RAPGEF2: variants seen among roughly 807,000 people sequenced by gnomAD.
RAPGEF2 encodes PDZ domain containing guanine nucleotide exchange factor (GEF) 1.
Under a neutral mutation model 186.7 loss-of-function variants are expected in RAPGEF2, and 54 were observed. That is an observed-to-expected ratio of 0.29 (90% CI 0.23 to 0.36). The LOEUF (loss-of-function observed/expected upper bound fraction) is 0.36, where lower values mean the gene tolerates loss of function less well. Among genes scored for constraint, RAPGEF2 ranks in the 10% least tolerant of loss-of-function variants. The probability of loss-of-function intolerance (pLI) is 1.00; values close to 1 mark genes in which losing one functional copy is unlikely to be tolerated. For missense variants in RAPGEF2, 1,532 were observed against 2,045.0 expected (o/e 0.75, Z 4.84); for synonymous variants, 712 against 705.9 (o/e 1.01, Z -0.14).
intron 1 of RAPGEF2, among the ~76,000 whole-genome samples, chr4:159,163,141 C>T (rs1345038285): frequency 6.6e-6 from 1 of 152,026 alleles, no homozygotes; most frequent in East Asian, 1.9e-4. Context: ...TTATCCTTAC[C>T]AAAAGATGGG....
intron 7 of RAPGEF2, among the ~76,000 whole-genome samples, chr4:159,250,910 G>T (rs1050464197): frequency 2.0e-5 from 3 of 152,168 alleles, no homozygotes; most frequent in Non-Finnish European, 4.4e-5. Flanking sequence ...TCTGCTTGCC[G>T]GGAGGTGTGG....
chr4:159,144,605 C>A (rs1742706230), intron 1 of RAPGEF2, among the ~76,000 whole-genome samples: 1 of 151,000 alleles, frequency 6.6e-6, no homozygotes, highest in Non-Finnish European at 1.5e-5. Flanking sequence ...TCGTTCTCAT[C>A]ACATGTTTAC....
intron 8 of RAPGEF2, among the ~76,000 whole-genome samples, chr4:159,305,035 TAGTATTTC>T (rs1341315194): frequency 2.6e-5 from 4 of 152,348 alleles, no homozygotes; most frequent in African/African-American, 9.6e-5. Flanking sequence ...TATGGCTGAA[TAGTATTTC>T]ATTGCATATA....
At chr4:159,108,308 A>G (rs1367264164) in intron 1 of RAPGEF2, among the ~76,000 whole-genome samples, 1 of 151,864 alleles carries the variant, frequency 6.6e-6, no homozygotes, top group Non-Finnish European at 1.5e-5. Context: ...AATCTCTCCA[A>G]CTGCAGTGCT....
At chr4:159,108,687 T>C (rs1031111164) in intron 1 of RAPGEF2, among the ~76,000 whole-genome samples, 1 of 152,132 alleles carries the variant, frequency 6.6e-6, no homozygotes, top group African/African-American at 2.4e-5. Context: ...TTTGGTGATA[T>C]TTGATGAGAT....
At chr4:159,209,191 C>CAAAAAAAA in intron 3 of RAPGEF2, among the ~76,000 whole-genome samples, 1 of 103,718 alleles carries the variant, frequency 9.6e-6, no homozygotes, top group Non-Finnish European at 2.0e-5. Context: ...CATGCCCAGC[C>CAAAAAAAA]AAAAAAAAAA....
At position 159,356,152 on chromosome 4, in the gene RAPGEF2, G is replaced by C. The variant is rs879023379; in HGVS notation, c.4951G>C (p.Glu1651Gln). Residue 1651 changes from glutamate (E) to glutamine (Q), a missense_variant, in exon 29 of 30, where the codon GAG becomes CAG. This residue lies in a region of RAPGEF2 where 594 missense variants were observed against 608.5 expected (regional missense o/e 0.98). Coordinates refer to ENST00000691494, the MANE Select transcript of RAPGEF2 (RefSeq NM_001394067.2). ...TCAGTCCCAAGGGTTTTCCACCGAG[G>C]AGGATGGTATATGCACATAAATATT... is the stretch of plus-strand genomic sequence containing the variant. ...PYQSQGFSTE[E>Q]DEDEQVSAV The C allele has an allele frequency of 1.2e-6, 2 of 1,613,590 alleles. No individual in the cohort carries two copies. The highest frequency in any genetic ancestry group is 1.7e-6 in the Non-Finnish European group (2 of 1,179,600).
chr4:159,163,719 A>G (rs1413605032), intron 1 of RAPGEF2, among the ~76,000 whole-genome samples: 3 of 152,196 alleles, frequency 2.0e-5, no homozygotes, highest in Admixed American at 1.3e-4. Flanking sequence ...TTACTGACTC[A>G]GCACATTTTA....
At chr4:159,108,413 A>G (rs1466768863) in intron 1 of RAPGEF2, among the ~76,000 whole-genome samples, 2 of 146,060 alleles carry the variant, frequency 1.4e-5, no homozygotes, top group East Asian at 4.0e-4. Flanking sequence ...TTTTAAGGAG[A>G]AGATGACCAC....
chr4:159,258,175 G>C (rs1233407501), intron 7 of RAPGEF2, among the ~76,000 whole-genome samples: 1 of 152,114 alleles, frequency 6.6e-6, no homozygotes, highest in Non-Finnish European at 1.5e-5. Context: ...CAATTTCAAA[G>C]TGTAACTAAA....
intron 8 of RAPGEF2, among the ~76,000 whole-genome samples, chr4:159,309,413 C>G (rs185734052): frequency 2.8e-4 from 43 of 152,186 alleles, no homozygotes; most frequent in African/African-American, 9.4e-4. Context: ...TCTATTTTTT[C>G]CCCTAGAGCC....
intron 1 of RAPGEF2, among the ~76,000 whole-genome samples, chr4:159,147,535 A>G (rs1743077889): frequency 1.3e-5 from 2 of 152,224 alleles, no homozygotes; most frequent in South Asian, 4.1e-4. Context: ...TAGAAAAAAT[A>G]GCAAGATATT....
At chr4:159,196,714 C>T (rs1748688678) in intron 3 of RAPGEF2, among the ~76,000 whole-genome samples, 1 of 152,224 alleles carries the variant, frequency 6.6e-6, no homozygotes, top group Non-Finnish European at 1.5e-5. Flanking sequence ...TCATTCTCAT[C>T]ACTGTTTGAT....
chr4:159,286,030 A>ACC (rs1554026580), intron 7 of RAPGEF2, among the ~76,000 whole-genome samples: 5 of 89,232 alleles, frequency 5.6e-5, no homozygotes, highest in Admixed American at 2.8e-4. Flanking sequence ...TGTTCCCCCC[A>ACC]ACCACCACCA....
intron 20 of RAPGEF2, 92 bp downstream of exon 20, chr4:159,342,039 C>G: frequency 8.0e-7 from 1 of 1,252,096 alleles, no homozygotes; most frequent in Non-Finnish European, 1.1e-6. Context: ...AGTATAAATG[C>G]TATAGGTTTT....
At chr4:159,288,090 T>A (rs1561215689) in intron 7 of RAPGEF2, among the ~76,000 whole-genome samples, 1 of 152,234 alleles carries the variant, frequency 6.6e-6, no homozygotes, top group Non-Finnish European at 1.5e-5. Context: ...AATTATTTTC[T>A]TGAGTTAAAC....
chr4:159,104,866 A>C (rs910495199), intron 1 of RAPGEF2, among the ~76,000 whole-genome samples: 2 of 152,210 alleles, frequency 1.3e-5, no homozygotes, highest in African/African-American at 4.8e-5. Context: ...ACTGCTTTCA[A>C]TTGAAGGGAA....
intron 2 of RAPGEF2, among the ~76,000 whole-genome samples, chr4:159,188,752 C>T (rs777428201): frequency 8.6e-5 from 13 of 151,796 alleles, no homozygotes; most frequent in Non-Finnish European, 1.8e-4. Flanking sequence ...TCAGAACTGT[C>T]AACTTTCTGC....
chr4:159,261,304 C>T (rs1039672958), intron 7 of RAPGEF2, among the ~76,000 whole-genome samples: 21 of 150,402 alleles, frequency 1.4e-4, no homozygotes, highest in African/African-American at 2.9e-4. Context: ...CCTTGTGATT[C>T]GCCCACCTTG....
Sources: gnomAD v4.1 joint callset for allele counts (sites outside exome capture counted in the v4.1 genomes callset) on GRCh38, gnomAD v4.1.1 for gene constraint, gnomAD v4.1.1 regional missense constraint, MANE v1.5 for transcripts, NCBI Gene and HGNC (gene_info 2026-07-23, HGNC 2026-07-21) for gene names.